The following ZNF385D variants were observed in gnomAD, a reference collection of about 807,000 sequenced individuals.
ZNF385D encodes zinc finger protein 659.
In ZNF385D, 15 loss-of-function variants were observed where a neutral mutation model predicts 35.8. That is an observed-to-expected ratio of 0.42 (90% confidence interval 0.28 to 0.64). ZNF385D has a LOEUF of 0.64. Among genes scored for constraint, ZNF385D ranks in the 30% least tolerant of loss-of-function variants. The pLI is 0.23. For missense variants in ZNF385D, 474 were observed against 494.6 expected, an observed-to-expected ratio of 0.96 and a Z score of 0.39; for synonymous variants, 212 against 186.8, an observed-to-expected ratio of 1.13 and a Z score of -1.10.
chr3:21,802,598 G>A (rs1469085711), intron 3 of ZNF385D, among the ~76,000 whole-genome samples: 2 of 152,108 alleles, frequency 1.3e-5, no homozygotes, highest in Admixed American at 1.3e-4. Context: ...GTGCATATGT[G>A]GCAGGCAGGG....
chr3:22,174,313 C>T (rs1048717252), intron 2 of ZNF385D, among the ~76,000 whole-genome samples: 2 of 152,068 alleles, frequency 1.3e-5, no homozygotes, highest in African/African-American at 2.4e-5. Flanking sequence ...GCATCTGATG[C>T]CTTGTCAAAG....
chr3:21,888,240 A>C (rs1454185292), intron 3 of ZNF385D, among the ~76,000 whole-genome samples: 1 of 152,216 alleles, frequency 6.6e-6, no homozygotes, highest in East Asian at 1.9e-4. Context: ...GGAACTTATA[A>C]AAGTAAGCTA....
chr3:21,909,306 T>C (rs564742029), intron 3 of ZNF385D, among the ~76,000 whole-genome samples: 1 of 152,196 alleles, frequency 6.6e-6, no homozygotes, highest in South Asian at 2.1e-4. Context: ...TTTCTCTTTT[T>C]TATGCAGCAA....
At chr3:22,314,644 T>C (rs1022492206) in intron 2 of ZNF385D, among the ~76,000 whole-genome samples, 1 of 152,138 alleles carries the variant, frequency 6.6e-6, no homozygotes, top group African/African-American at 2.4e-5. Context: ...CTGCAAATCA[T>C]TGTCATATTT....
intron 2 of ZNF385D, among the ~76,000 whole-genome samples, chr3:22,209,637 A>G (rs1455387515): frequency 6.6e-6 from 1 of 151,844 alleles, no homozygotes; most frequent in African/African-American, 2.4e-5. Flanking sequence ...TTTCATATGA[A>G]ATACCTTTAT....
At position 21,646,459 on chromosome 3, in the gene ZNF385D, T is replaced by C. The variant is rs1259000527; in HGVS notation, c.165+18427A>G. Among the ~76,000 whole-genome samples, 1 of 152,198 alleles carries C rather than the reference T, an allele frequency of 6.6e-6. No homozygotes were observed. The highest frequency in any genetic ancestry group is 2.4e-5 in the African/African-American group (1 of 41,456). On this transcript the variant is annotated intron_variant, in intron 2 of 7. Transcript: ENST00000281523. The surrounding 1 kb of genome is among the most constrained non-coding windows in gnomAD (Gnocchi z 4.3). The stretch of plus-strand genomic sequence containing the variant: ...CAGTGCTTGGATAGGAACTCAGATC[T>C]TTACCTTCAAAGGTAAGCTACAAAT...
chr3:21,817,870 C>T (rs190946831), intron 3 of ZNF385D, among the ~76,000 whole-genome samples: 1 of 152,164 alleles, frequency 6.6e-6, no homozygotes, highest in Non-Finnish European at 1.5e-5. Flanking sequence ...TATAAAGACA[C>T]ATGCACAGGT....
chr3:21,920,944 A>G (rs1700427493), intron 3 of ZNF385D, among the ~76,000 whole-genome samples: 1 of 152,072 alleles, frequency 6.6e-6, no homozygotes, highest in African/African-American at 2.4e-5. Flanking sequence ...GGTAAGGCGC[A>G]GTGGCTCATG....
At chr3:21,486,690 G>C (rs1045781177) in intron 4 of ZNF385D, among the ~76,000 whole-genome samples, 1 of 152,028 alleles carries the variant, frequency 6.6e-6, no homozygotes, top group African/African-American at 2.4e-5. Context: ...ACAGACATTA[G>C]GTCACATCTA....
chr3:22,096,878 G>A (rs1006973743), intron 3 of ZNF385D, among the ~76,000 whole-genome samples: 1 of 151,982 alleles, frequency 6.6e-6, no homozygotes, highest in Non-Finnish European at 1.5e-5. Flanking sequence ...TCTGTGATTT[G>A]TGACTGATTG....
intron 4 of ZNF385D, among the ~76,000 whole-genome samples, chr3:21,506,409 T>C (rs1706782815): frequency 6.6e-6 from 1 of 152,162 alleles, no homozygotes; most frequent in Non-Finnish European, 1.5e-5. Context: ...TACTGCAATA[T>C]AACCTAGCCT....
At chr3:21,611,373 T>G (rs911939490) in intron 2 of ZNF385D, among the ~76,000 whole-genome samples, 13 of 152,160 alleles carry the variant, frequency 8.5e-5, no homozygotes, top group African/African-American at 3.1e-4. Context: ...CTGTTCCTAC[T>G]ATGCTACTCC....
chr3:21,894,709 A>C (rs1381042957), intron 3 of ZNF385D, among the ~76,000 whole-genome samples: 1 of 152,200 alleles, frequency 6.6e-6, no homozygotes, highest in African/African-American at 2.4e-5. Flanking sequence ...GTCTATTTTA[A>C]ATGACTGATA....
chr3:22,272,348 T>C (rs1170140292), intron 2 of ZNF385D, among the ~76,000 whole-genome samples: 1 of 152,000 alleles, frequency 6.6e-6, no homozygotes, highest in Admixed American at 6.6e-5. Flanking sequence ...AATATCTAAA[T>C]TTCTAAATTC....
chr3:22,015,630 A>G (rs1283771734), intron 3 of ZNF385D, among the ~76,000 whole-genome samples: 7 of 152,252 alleles, frequency 4.6e-5, no homozygotes, highest in Admixed American at 3.9e-4. Flanking sequence ...AGTGAACACA[A>G]ACATCATCAT....
chr3:21,953,982 T>C lies in ZNF385D; in HGVS notation c.325+214835A>G, dbSNP rs141579186. Among the ~76,000 whole-genome samples the C allele has an allele frequency of 6.1e-3, 933 of 152,114 alleles. 10 individuals are homozygous for C. The highest frequency in any genetic ancestry group is 0.022 in the African/African-American group (893 of 41,510). Reference sequence around the variant, plus strand: ...AGATTTATAAAATCGTGGATAAATATAAGCTGGACAAAAGAGAAAAACAAG... The same window carrying C: ...AGATTTATAAAATCGTGGATAAATACAAGCTGGACAAAAGAGAAAAACAAG... On this transcript the variant is annotated intron_variant, in intron 3 of 5. Transcript: ENST00000494108.
In ZNF385D at chr3:22,309,615, A is replaced by G. The variant is rs570784213; in HGVS notation, c.106+62835T>C. 2.4e-4 allele frequency among the ~76,000 whole-genome samples: 36 copies of G among 152,178 alleles called. No homozygotes were observed. In the East Asian group the frequency reaches 6.8e-3, roughly 29 times the overall value. Reference sequence around the variant, plus strand: ...TCTAGAACAAAACTAAAATATATTTAGCTAGCTTTTTAAATTTTAAAATCA... The same window carrying G: ...TCTAGAACAAAACTAAAATATATTTGGCTAGCTTTTTAAATTTTAAAATCA... On this transcript the variant is annotated intron_variant, in intron 2 of 5. Transcript: ENST00000494108.
At chr3:21,557,086 C>G (rs551967868) in intron 3 of ZNF385D, among the ~76,000 whole-genome samples, 83 of 152,254 alleles carry the variant, frequency 5.5e-4, no homozygotes, top group African/African-American at 2.0e-3. Flanking sequence ...ATTGGGTTAT[C>G]TAAATATACA....
chr3:21,992,515 T>C (rs1695210680), intron 3 of ZNF385D, among the ~76,000 whole-genome samples: 1 of 152,128 alleles, frequency 6.6e-6, no homozygotes, highest in South Asian at 2.1e-4. Context: ...ACTAAGCTCT[T>C]TAAATGTTAT....
Sources: allele counts gnomAD v4.1 joint callset (sites outside exome capture counted in the v4.1 genomes callset), GRCh38; gene constraint gnomAD v4.1.1; non-coding constraint Gnocchi (gnomAD v3.1); transcripts MANE v1.5; gene names NCBI Gene and HGNC (gene_info 2026-07-23, HGNC 2026-07-21).